Variants in ATP11C observed in about 807,000 individuals in gnomAD.
ATP11C encodes phospholipid-transporting ATPase IG.
In ATP11C, 36 loss-of-function variants were observed where a neutral mutation model predicts 97.4. That is an observed-to-expected ratio of 0.37 (90% confidence interval 0.28 to 0.49). ATP11C has a LOEUF of 0.49. ATP11C is among the 20% of genes least tolerant of loss of function. ATP11C has a pLI of 0.98. For missense variants in ATP11C, 730 were observed against 824.6 expected (o/e 0.89, Z 1.40); for synonymous variants, 275 against 290.9 (o/e 0.95, Z 0.56).
chrX:139,779,913 G>C (rs2082417202), intron 18 of ATP11C, among the ~76,000 whole-genome samples: 1 of 111,954 alleles, frequency 8.9e-6, no homozygotes, highest in Non-Finnish European at 1.9e-5. Context: ...AAGATCCTCA[G>C]AGACTATTAT....
intron 1 of ATP11C, among the ~76,000 whole-genome samples, chrX:139,827,174 C>T (rs1214675403): frequency 3.6e-5 from 4 of 111,860 alleles, no homozygotes; most frequent in Admixed American, 9.5e-5. Context: ...CACTAACTCA[C>T]GAAAGAATGG....
intron 1 of ATP11C, among the ~76,000 whole-genome samples, chrX:139,840,146 C>T (rs760346566): frequency 1.7e-4 from 19 of 112,176 alleles, no homozygotes; most frequent in Non-Finnish European, 3.2e-4. Flanking sequence ...AACACCAAGT[C>T]TCTTCAAAGT....
chrX:139,886,956 C>A (rs2084653082), intron 1 of ATP11C, among the ~76,000 whole-genome samples: 1 of 109,948 alleles, frequency 9.1e-6, no homozygotes, highest in Non-Finnish European at 1.9e-5. Flanking sequence ...TCAAGACTTA[C>A]AATAAAGCTA....
chrX:139,774,630 G>A (rs776454289), intron 19 of ATP11C, 60 bp downstream of exon 19: 38 of 1,016,160 alleles, frequency 3.7e-5, no homozygotes, highest in Non-Finnish European at 4.8e-5. Context: ...TTTTGTATAT[G>A]CAGCTGTGAT....
At chrX:139,830,557 T>C (rs949272498) in intron 1 of ATP11C, among the ~76,000 whole-genome samples, 2 of 111,828 alleles carry the variant, frequency 1.8e-5, no homozygotes, top group African/African-American at 6.5e-5. Flanking sequence ...CCTGATATAA[T>C]GCAAAGCTAC....
intron 28 of ATP11C, among the ~76,000 whole-genome samples, chrX:139,735,252 C>G (rs2081419152): frequency 8.9e-6 from 1 of 111,865 alleles, no homozygotes; most frequent in African/African-American, 3.2e-5. Flanking sequence ...TAGCTTCTTT[C>G]TCAAATGCCA....
chrX:139,797,453 C>T (rs1220427364), intron 10 of ATP11C, 127 bp from the exon 11 acceptor site: 1 of 443,197 alleles, frequency 2.3e-6, no homozygotes, highest in Admixed American at 5.4e-5. Context: ...TGTGTATTAA[C>T]CTCAGTTATC....
intron 22 of ATP11C, among the ~76,000 whole-genome samples, chrX:139,760,892 T>C (rs1295182401): frequency 8.9e-6 from 1 of 112,305 alleles, no homozygotes; most frequent in East Asian, 2.8e-4. Flanking sequence ...GTACAAGGTT[T>C]CTTTTGGAAA....
At chrX:139,891,722 T>C (rs1042150932) in intron 1 of ATP11C, among the ~76,000 whole-genome samples, 3 of 112,250 alleles carry the variant, frequency 2.7e-5, no homozygotes, top group Non-Finnish European at 3.8e-5. Context: ...AAGAAACCAA[T>C]AGAGAGGTAC....
chrX:139,753,873 G>A (rs1270995842), intron 23 of ATP11C, among the ~76,000 whole-genome samples: 1 of 110,721 alleles, frequency 9.0e-6, no homozygotes, highest in African/African-American at 3.3e-5. Flanking sequence ...AAAGAAGTTA[G>A]AAAGAGGTCA....
intron 18 of ATP11C, 137 bp downstream of exon 18, chrX:139,782,410 T>G (rs964965095): frequency 5.4e-6 from 2 of 369,882 alleles, no homozygotes; most frequent in Admixed American, 1.1e-4. Flanking sequence ...TCATACTTGC[T>G]ATAATAAATA....
chrX:139,881,259 A>T (rs1033839223), intron 1 of ATP11C, among the ~76,000 whole-genome samples: 1 of 111,462 alleles, frequency 9.0e-6, no homozygotes, highest in Non-Finnish European at 1.9e-5. Flanking sequence ...AACTCTAGGG[A>T]AACAAGATAT....
intron 1 of ATP11C, among the ~76,000 whole-genome samples, chrX:139,876,144 A>G: frequency 1.8e-5 from 2 of 111,785 alleles, no homozygotes; most frequent in South Asian, 7.5e-4. Flanking sequence ...AAAAGAAACA[A>G]CAGCAAATAT....
Position 139,731,665 on chromosome X carries a change from T to A in ATP11C, c.3379A>T (p.Asn1127Tyr). ...ACACTAGGTACCTGTTACAATACAT[T>A]AGATTCGTCTGAGAATGTTCGTAAA... ...LLLRTFSDES[N>Y]VL Residue 1127 changes from asparagine (N) to tyrosine (Y), a missense_variant, in exon 29 of 30, where the codon AAT becomes TAT. Coordinates refer to ENST00000682941, the MANE Select transcript of ATP11C (RefSeq NM_001353812.2). 8.4e-7 allele frequency: 1 copy of A among 1,185,474 alleles called. No individual in the cohort carries two copies. The highest frequency in any genetic ancestry group is 1.1e-6 in the Non-Finnish European group (1 of 877,535).
chrX:139,875,231 C>G (rs1018992428), intron 1 of ATP11C, among the ~76,000 whole-genome samples: 4 of 110,598 alleles, frequency 3.6e-5, no homozygotes. Context: ...TAGCCAAGAA[C>G]AGTAAAACAC....
At chrX:139,873,024 C>CT (rs1227696240) in intron 1 of ATP11C, among the ~76,000 whole-genome samples, 3 of 112,265 alleles carry the variant, frequency 2.7e-5, no homozygotes, top group African/African-American at 9.7e-5. Flanking sequence ...GTGGAGCAGA[C>CT]TTCAAGTCCT....
At chrX:139,875,434 A>AG (rs1423339255) in intron 1 of ATP11C, among the ~76,000 whole-genome samples, 7 of 107,840 alleles carry the variant, frequency 6.5e-5, no homozygotes, top group Middle Eastern at 4.8e-3. Flanking sequence ...AAAAAAAAAA[A>AG]AAAGAAAAAA....
chrX:139,862,655 A>C (rs1027463210), intron 1 of ATP11C, among the ~76,000 whole-genome samples: 6 of 111,867 alleles, frequency 5.4e-5, no homozygotes, highest in African/African-American at 2.0e-4. Context: ...AGGTTTCATC[A>C]TCCCCACTTT....
chrX:139,924,004 C>A, intron 1 of ATP11C: 1 of 255,524 alleles, frequency 3.9e-6, no homozygotes, highest in Admixed American at 3.6e-5. Flanking sequence ...CTGCAGTATT[C>A]CCACCATTTG....
Sources: allele counts gnomAD v4.1 joint callset (sites outside exome capture counted in the v4.1 genomes callset), GRCh38; gene constraint gnomAD v4.1.1; transcripts MANE v1.5; gene names NCBI Gene and HGNC (gene_info 2026-07-23, HGNC 2026-07-21).